ZNF676: variants seen among roughly 807,000 people sequenced by gnomAD.
The protein encoded by ZNF676 is zinc finger protein 676.
In ZNF676, 4 loss-of-function variants were observed where a neutral mutation model predicts 6.0. The observed-to-expected ratio is 0.67, with a 90% CI of 0.33 to 1.53. ZNF676 has a LOEUF of 1.53. Among genes scored for constraint, ZNF676 ranks in the 40% most tolerant of loss-of-function variants. The pLI, the probability that ZNF676 is intolerant of heterozygous loss-of-function variation, is 0.06. For missense variants in ZNF676, 644 were observed against 679.7 expected (o/e 0.95, Z 0.58); for synonymous variants, 198 against 223.1 (o/e 0.89, Z 1.00).
chr19:22,215,015 TG>T (rs2024168201), intron 1 of ZNF676, among the ~76,000 whole-genome samples: 1 of 123,846 alleles, frequency 8.1e-6, no homozygotes, highest in Non-Finnish European at 1.6e-5. Flanking sequence ...CACTCCAGCC[TG>T]GGCGACAGAG....
chr19:22,186,714 GA>G (rs2023845169), intron 2 of ZNF676, among the ~76,000 whole-genome samples: 1 of 151,928 alleles, frequency 6.6e-6, no homozygotes, highest in African/African-American at 2.4e-5. Flanking sequence ...GAAAGCAAAA[GA>G]AAGCAGGGGC....
the ZNF676 span, among the ~76,000 whole-genome samples, chr19:22,256,442 G>T: frequency 6.6e-6 from 1 of 152,166 alleles, no homozygotes; most frequent in Non-Finnish European, 1.5e-5. Context: ...GCTGAGCCCA[G>T]TGATATGTCA....
At chr19:22,210,229 C>A (rs987861288) in intron 1 of ZNF676, among the ~76,000 whole-genome samples, 32 of 152,076 alleles carry the variant, frequency 2.1e-4, no homozygotes, top group African/African-American at 7.0e-4. Context: ...TTGATGAACA[C>A]CAACAATTCT....
At chr19:22,215,308 T>G (rs1486337774) in intron 1 of ZNF676, among the ~76,000 whole-genome samples, 1 of 152,088 alleles carries the variant, frequency 6.6e-6, no homozygotes, top group Non-Finnish European at 1.5e-5. Flanking sequence ...CTCTTCCCAT[T>G]CATGAACCCA....
At chr19:22,210,949 T>G (rs1325676510) in intron 1 of ZNF676, among the ~76,000 whole-genome samples, 1 of 152,130 alleles carries the variant, frequency 6.6e-6, no homozygotes, top group Non-Finnish European at 1.5e-5. Flanking sequence ...TCTGATTATT[T>G]CACCCTTCAT....
At chr19:22,253,372 GTATATA>G in the ZNF676 span, among the ~76,000 whole-genome samples, 6,232 of 90,852 alleles carry the variant, frequency 0.069, 609 homozygotes, top group African/African-American at 0.23. Flanking sequence ...GTGTGTGTGT[GTATATA>G]TATATATATA....
intron 1 of ZNF676, among the ~76,000 whole-genome samples, chr19:22,194,909 G>A (rs1367502669): frequency 1.3e-5 from 2 of 152,096 alleles, no homozygotes; most frequent in African/African-American, 2.4e-5. Flanking sequence ...AGTTATAGGA[G>A]ACAAACCTAC....
rs776190887 is a variant in ZNF676, at chr19:22,180,163, C to G, written c.1554G>C (p.Ser518=). The G allele has an allele frequency of 1.3e-6, 2 of 1,556,530 alleles. No homozygotes were observed. The highest frequency in any genetic ancestry group is 3.1e-5 in the African/African-American group (2 of 64,250). Residue 518 remains serine (S), a synonymous_variant, in exon 3 of 3, where the codon TCG becomes TCC. Transcript: ENST00000397121. The stretch of plus-strand genomic sequence containing the variant: ...GAATTATCTTATGTTCAGTAAGGAT[C>G]GAGGACCAGCTGAAGGCTTTGCCAC... ...EECGKAFSWS[S]ILTEHKIIHT...
At chr19:22,204,702 C>T (rs1438142135) in intron 1 of ZNF676, among the ~76,000 whole-genome samples, 1 of 152,132 alleles carries the variant, frequency 6.6e-6, no homozygotes, top group East Asian at 1.9e-4. Context: ...TTGTGCTTAA[C>T]TTTATTAGGC....
At chr19:22,208,951 A>G (rs1226819522) in intron 1 of ZNF676, among the ~76,000 whole-genome samples, 2 of 152,076 alleles carry the variant, frequency 1.3e-5, no homozygotes, top group Non-Finnish European at 2.9e-5. Flanking sequence ...CAAAAATAAC[A>G]AAAAATAAAA....
At chr19:22,218,852 G>C (rs1337357359), upstream of ZNF676, among the ~76,000 whole-genome samples, 1 of 151,916 alleles carries the variant, frequency 6.6e-6, no homozygotes, top group Non-Finnish European at 1.5e-5. Flanking sequence ...ATGCTGTTTT[G>C]GTAACTATAA....
At chr19:22,227,311 A>G in the ZNF676 span, among the ~76,000 whole-genome samples, 3 of 152,228 alleles carry the variant, frequency 2.0e-5, no homozygotes, top group Non-Finnish European at 4.4e-5. Flanking sequence ...TTTGAAACCA[A>G]TAAGAATGAT....
At chr19:22,199,492 G>C (rs34556219), upstream of ZNF676, among the ~76,000 whole-genome samples, 17,099 of 152,220 alleles carry the variant, frequency 0.11, 1,335 homozygotes, top group East Asian at 0.24. Flanking sequence ...TAGGATGTTA[G>C]AGTACTGTGA....
intron 2 of ZNF676, among the ~76,000 whole-genome samples, chr19:22,186,233 C>A (rs2023837781): frequency 6.6e-6 from 1 of 152,142 alleles, no homozygotes; most frequent in Non-Finnish European, 1.5e-5. Flanking sequence ...ATTCAACATT[C>A]TTAAAGATAG....
the ZNF676 span, among the ~76,000 whole-genome samples, chr19:22,246,620 C>T: frequency 6.6e-6 from 1 of 152,168 alleles, no homozygotes; most frequent in Non-Finnish European, 1.5e-5. Context: ...TACATAGGTA[C>T]TGGGCCAAGT....
At chr19:22,256,001 A>G in the ZNF676 span, among the ~76,000 whole-genome samples, 1 of 152,228 alleles carries the variant, frequency 6.6e-6, no homozygotes, top group Non-Finnish European at 1.5e-5. Context: ...CACAATTTTA[A>G]CAGGTGCTTG....
intron 2 of ZNF676, among the ~76,000 whole-genome samples, chr19:22,182,593 A>AAAAAAAAAAAAAAAAAAAAAAAAAAAC (rs1356303631): frequency 9.9e-4 from 90 of 90,744 alleles, no homozygotes; most frequent in Middle Eastern, 8.1e-3. Context: ...TCTAAAAAAA[A>AAAAAAAAAAAAAAAAAAAAAAAAAAAC]AAAAAAAAAG....
intron 1 of ZNF676, among the ~76,000 whole-genome samples, chr19:22,195,260 A>C (rs1384269914): frequency 6.6e-6 from 1 of 152,194 alleles, no homozygotes; most frequent in African/African-American, 2.4e-5. Flanking sequence ...AACTAAAGGA[A>C]AGAAATTTTA....
chr19:22,197,395 T>G (rs758236659), upstream of ZNF676, among the ~76,000 whole-genome samples: 5 of 151,720 alleles, frequency 3.3e-5, no homozygotes, highest in Admixed American at 2.0e-4. Flanking sequence ...TCAGATGGAA[T>G]AGACATGTTG....
Sources: allele counts gnomAD v4.1 joint callset (sites outside exome capture counted in the v4.1 genomes callset), GRCh38; gene constraint gnomAD v4.1.1; transcripts MANE v1.5; gene names NCBI Gene and HGNC (gene_info 2026-07-23, HGNC 2026-07-21).